OR2V1: variants seen among roughly 807,000 people sequenced by gnomAD.
The protein encoded by OR2V1 is olfactory receptor 2V1.
In OR2V1, 18 loss-of-function variants were observed where a neutral mutation model predicts 15.0. The observed-to-expected ratio is 1.20, with a 90% CI of 0.83 to 1.78. The LOEUF (loss-of-function observed/expected upper bound fraction) is 1.78, where lower values mean the gene tolerates loss of function less well. Ranked by LOEUF, OR2V1 falls within the 40% of genes most tolerant of loss-of-function variation. The probability of loss-of-function intolerance (pLI) is 0.00; values close to 1 mark genes in which losing one functional copy is unlikely to be tolerated. For missense variants in OR2V1, 359 were observed against 392.9 expected, an observed-to-expected ratio of 0.91 and a Z score of 0.73; for synonymous variants, 144 against 146.1, an observed-to-expected ratio of 0.99 and a Z score of 0.10.
chr5:181,130,936 C>G (rs1215388728), intron 1 of OR2V1, 114 bp downstream of exon 1: 1 of 152,828 alleles, frequency 6.5e-6, no homozygotes, highest in Non-Finnish European at 1.5e-5. Context: ...TTCACCTGCC[C>G]CCATTAAGTC....
intron 3 of OR2V1, among the ~76,000 whole-genome samples, chr5:181,129,237 AAAAAT>A (rs1762928726): frequency 6.6e-6 from 1 of 151,864 alleles, no homozygotes; most frequent in African/African-American, 2.4e-5. Context: ...TCTCCAAAAT[AAAAAT>A]AAAATAAAAC....
At position 181,125,313 on chromosome 5, in the gene OR2V1, T is replaced by C; in HGVS notation, c.-9A>G. On this transcript the variant is annotated 5_prime_UTR_variant, in exon 4 of 4. Transcript: ENST00000641551. ...TTCACCCATCTTCCCATGGCTTAGT[T>C]GTTCACTGTCACCTGAGAACATAAG... The C allele has an allele frequency of 6.2e-7, 1 of 1,607,452 alleles. No individual in the cohort carries two copies. The highest frequency in any genetic ancestry group is 1.7e-5 in the Admixed American group (1 of 59,800).
At position 181,124,210 on chromosome 5, in the gene OR2V1, C is replaced by T; in HGVS notation, c.*147G>A. On this transcript the variant is annotated 3_prime_UTR_variant, in exon 4 of 4. Coordinates refer to ENST00000641551, the MANE Select transcript of OR2V1 (RefSeq NM_001258283.2). ...CCTTTTTTTTTGGTACAGAAATGTTCATAATGGCTTTTCTCATGATGGCCA... is the reference window on the plus strand; with the variant it reads ...CCTTTTTTTTTGGTACAGAAATGTTTATAATGGCTTTTCTCATGATGGCCA... 1 of 653,818 alleles carries T rather than the reference C, an allele frequency of 1.5e-6. No homozygotes were observed. 40.5% of individuals were successfully genotyped at this position (653,818 alleles called of 1,614,324 possible).
intron 1 of OR2V1, 64 bp from the exon 2 acceptor site, chr5:181,130,279 C>T (rs561189599): frequency 1.0e-4 from 40 of 398,894 alleles, no homozygotes; most frequent in African/African-American, 7.2e-4. Context: ...CCCACTGGGT[C>T]GGGGGACAGG....
intron 3 of OR2V1, among the ~76,000 whole-genome samples, chr5:181,126,918 G>T (rs1025730109): frequency 6.6e-6 from 1 of 152,300 alleles, no homozygotes; most frequent in African/African-American, 2.4e-5. Context: ...CCTGGTGCCC[G>T]CACCTCCATC....
At chr5:181,128,164 C>T (rs181328145) in intron 3 of OR2V1, among the ~76,000 whole-genome samples, 85 of 151,350 alleles carry the variant, frequency 5.6e-4, no homozygotes, top group African/African-American at 1.9e-3. Flanking sequence ...TCACAACACT[C>T]GCATCATCCT....
rs1344416046 is a variant in OR2V1, at chr5:181,127,047, G to A, written c.-21-1722C>T. ...TGTTCCGTGGAAGCCGGATGAAAACGCTGAATGTCTCGTTCTCCCAGGCCC... is the reference window on the plus strand; with the variant it reads ...TGTTCCGTGGAAGCCGGATGAAAACACTGAATGTCTCGTTCTCCCAGGCCC... On this transcript the variant is annotated intron_variant, in intron 3 of 3. Coordinates refer to ENST00000641551, the MANE Select transcript of OR2V1 (RefSeq NM_001258283.2). Among the ~76,000 whole-genome samples the A allele has an allele frequency of 2.0e-5, 3 of 152,322 alleles. No individual in the cohort carries two copies. In the South Asian group the frequency reaches 6.2e-4, roughly 32 times the overall value.
At chr5:181,127,756 G>C (rs1052876151) in intron 3 of OR2V1, among the ~76,000 whole-genome samples, 1 of 151,908 alleles carries the variant, frequency 6.6e-6, no homozygotes, top group Non-Finnish European at 1.5e-5. Flanking sequence ...CAGCGACCAA[G>C]CACCATCTCA....
In OR2V1 at chr5:181,128,714, C is replaced by T. The variant is rs117088520; in HGVS notation, c.-22+806G>A. On this transcript the variant is annotated intron_variant, in intron 3 of 3. Coordinates refer to ENST00000641551, the MANE Select transcript of OR2V1 (RefSeq NM_001258283.2). ...GCCTTCCCTCAGCACCCATTTAGAG[C>T]TGAAATCCTTCTTCTTCTGCCTCCC... 1.9e-4 allele frequency among the ~76,000 whole-genome samples: 29 copies of T among 152,252 alleles called. No homozygotes were observed. The East Asian group carries it at 5.0e-3, about 26-fold the overall frequency.
Position 181,125,097 on chromosome 5 carries a change from T to C in OR2V1, c.208A>G (p.Met70Val). 1 of 1,614,106 alleles carries C rather than the reference T, an allele frequency of 6.2e-7. No homozygotes were observed. The highest frequency in any genetic ancestry group is 8.5e-7 in the Non-Finnish European group (1 of 1,180,020). ...ATGTTACAGACCAACATGAGGTCCA[T>C]GAGGGAGAGCTGGCTGAGGAAGAAG... ...MYFFLSQLSL[M>V]DLMLVCNIVP... is the part of the protein sequence containing the mutation. Residue 70 changes from methionine (M) to valine (V), a missense_variant, in exon 4 of 4, where the codon ATG (methionine) becomes GTG (valine). Physicochemically the swap from Met to Val is conservative, Grantham distance 21. Transcript: ENST00000641551.
chr5:181,127,127 C>T (rs987511028), intron 3 of OR2V1, among the ~76,000 whole-genome samples: 2 of 152,224 alleles, frequency 1.3e-5, no homozygotes, highest in Admixed American at 6.5e-5. Flanking sequence ...CACAGGCTCC[C>T]GTATTTGGAC....
At position 181,125,271 on chromosome 5, in the gene OR2V1, C is replaced by CATCT; in HGVS notation, c.30_33dup (p.Gly12ArgfsTer15). 1 of 1,613,696 alleles carries CATCT rather than the reference C, an allele frequency of 6.2e-7. No individual in the cohort carries two copies. Among genetic ancestry groups the CATCT allele is most frequent in the African/African-American group, 1.3e-5 (1 of 75,032 alleles). On this transcript the variant is annotated frameshift_variant, in exon 4 of 4. Coordinates refer to ENST00000641551, the MANE Select transcript of OR2V1 (RefSeq NM_001258283.2). LOFTEE classifies it high-confidence loss of function. ...GAAAAGATGCCCAAGAGGAAGAAGC[C>CATCT]ATCTGTGTAGGACTGGTTCACCCAT...
chr5:181,124,275 G>T lies in OR2V1; in HGVS notation c.*82C>A. ...TCCAATGACCATCAACAGGTGAATG[G>T]AAACAGACACTCACAAAGGTTGAGT... On this transcript the variant is annotated 3_prime_UTR_variant, in exon 4 of 4. Coordinates refer to ENST00000641551, the MANE Select transcript of OR2V1 (RefSeq NM_001258283.2). The T allele has an allele frequency of 7.7e-7, 1 of 1,306,072 alleles. No homozygotes were observed. Among genetic ancestry groups the T allele is most frequent in the Non-Finnish European group, 1.0e-6 (1 of 980,982 alleles). 80.9% of individuals were successfully genotyped at this position (1,306,072 alleles called of 1,614,324 possible). A position where few individuals can be genotyped will look rare whatever the true frequency, so the allele number is the denominator to read the frequency against.
intron 3 of OR2V1, among the ~76,000 whole-genome samples, 184 bp downstream of exon 3, chr5:181,129,336 C>G (rs28398012): frequency 0.023 from 3,569 of 151,964 alleles, 124 homozygotes; most frequent in African/African-American, 0.072. Context: ...GAATTTGAGG[C>G]TGCAGTGAGC....
At chr5:181,127,236 A>G (rs906797021) in intron 3 of OR2V1, among the ~76,000 whole-genome samples, 2 of 152,202 alleles carry the variant, frequency 1.3e-5, no homozygotes, top group Non-Finnish European at 2.9e-5. Flanking sequence ...CGGGACCTCA[A>G]CCCAGACATG....
In OR2V1 at chr5:181,124,432, G is replaced by T; in HGVS notation, c.873C>A (p.Tyr291Ter). The change falls in exon 4 of 4, where the codon TAC (tyrosine) becomes TAA (stop). Residue 291 changes from tyrosine (Y) to a stop codon, truncating the protein, a stop_gained. Transcript: ENST00000641551. LOFTEE classifies it high-confidence loss of function. ...CCATCACCTCCCCATTCCTCAAGCT[G>T]TAAATGAGGGGGTTCAGCATGGGAG... ...VLTPMLNPLIYSLRNGEVMGA... is the reference protein window; with the variant it reads ...VLTPMLNPLI 6.2e-7 allele frequency: 1 copy of T among 1,613,594 alleles called. No homozygotes were observed. Among genetic ancestry groups the T allele is most frequent in the Non-Finnish European group, 8.5e-7 (1 of 1,179,768 alleles).
chr5:181,124,436 A>T lies in OR2V1; in HGVS notation c.869T>A (p.Ile290Asn). The stretch of plus-strand genomic sequence containing the variant: ...CACCTCCCCATTCCTCAAGCTGTAA[A>T]TGAGGGGGTTCAGCATGGGAGTAAG... ...TVLTPMLNPL[I>N]YSLRNGEVMG... The change falls in exon 4 of 4, where the codon ATT becomes AAT. Residue 290 changes from isoleucine to asparagine, a missense_variant. Transcript: ENST00000641551. 1.2e-6 allele frequency: 2 copies of T among 1,613,760 alleles called. No homozygotes were observed. Among genetic ancestry groups the T allele is most frequent in the South Asian group, 2.2e-5 (2 of 91,054 alleles).
chr5:181,129,871 C>T (rs1328385532), intron 2 of OR2V1, among the ~76,000 whole-genome samples: 34 of 152,160 alleles, frequency 2.2e-4, no homozygotes, highest in Admixed American at 2.2e-3. Context: ...ACCCCAGGGA[C>T]CTAGAGCCCA....
At chr5:181,126,749 CAG>C (rs1041758447) in intron 3 of OR2V1, among the ~76,000 whole-genome samples, 5 of 152,160 alleles carry the variant, frequency 3.3e-5, no homozygotes, top group African/African-American at 2.4e-5. Flanking sequence ...CACACACACA[CAG>C]AGTCATACAC....
Sources: allele counts gnomAD v4.1 joint callset (sites outside exome capture counted in the v4.1 genomes callset), GRCh38; gene constraint gnomAD v4.1.1; transcripts MANE v1.5; gene names NCBI Gene and HGNC (gene_info 2026-07-23, HGNC 2026-07-21).